The following ZNF718 variants were observed in gnomAD, a reference collection of about 807,000 sequenced individuals.
ZNF718 encodes the protein zinc finger protein 718.
Under a neutral mutation model 2.6 loss-of-function variants are expected in ZNF718, and 3 were observed. The ratio of observed to expected loss-of-function variants is 1.16; its 90% CI spans 0.53 to 3.01. The LOEUF (loss-of-function observed/expected upper bound fraction) is 3.01. Ranked by LOEUF, ZNF718 falls within the 30% of genes most tolerant of loss-of-function variation. The probability of loss-of-function intolerance (pLI) is 0.03; values close to 1 mark genes in which losing one functional copy is unlikely to be tolerated. For missense variants in ZNF718, 468 were observed against 230.0 expected, an observed-to-expected ratio of 2.03 and a Z score of -6.69; for synonymous variants, 135 against 77.9, an observed-to-expected ratio of 1.73 and a Z score of -3.86.
chr4:185,009 G>C (rs1053425487), intron 3 of ZNF718, among the ~76,000 whole-genome samples: 1 of 151,972 alleles, frequency 6.6e-6, no homozygotes, highest in East Asian at 1.9e-4. Flanking sequence ...GTTCTGTTCA[G>C]CTCTGATCTT....
chr4:132,136 C>CA lies in ZNF718; in HGVS notation c.226+648dup, dbSNP rs1282889814. 1.8e-3 allele frequency among the ~76,000 whole-genome samples: 84 copies of CA among 46,182 alleles called. 15 individuals are homozygous for CA. The highest frequency in any genetic ancestry group is 0.014 in the Middle Eastern group (1 of 72). The allele number at this position is 46,182 out of a possible 152,430, so 30.3% of individuals were successfully genotyped here. A position where few individuals can be genotyped will look rare whatever the true frequency, so the allele number is the denominator to read the frequency against. ...TGGGCGACAGAGCGAGATTCAGTCTCAAAAAAAAAAAAAAAAACCCAGGAG... is the reference window on the plus strand; with the variant it reads ...TGGGCGACAGAGCGAGATTCAGTCTCAAAAAAAAAAAAAAAAAACCCAGGAG... On this transcript the variant is annotated intron_variant, in intron 3 of 3. Coordinates refer to ENST00000510175, the MANE Select transcript of ZNF718 (RefSeq NM_001039127.6).
At chr4:191,082 G>C (rs1553821133) in intron 3 of ZNF718, among the ~76,000 whole-genome samples, 1 of 150,296 alleles carries the variant, frequency 6.7e-6, no homozygotes, top group East Asian at 2.0e-4. Context: ...ATTTTCAAAA[G>C]TGAAGTCAAT....
At chr4:189,426 T>C (rs1439575364) in intron 3 of ZNF718, among the ~76,000 whole-genome samples, 1 of 152,166 alleles carries the variant, frequency 6.6e-6, no homozygotes, top group Non-Finnish European at 1.5e-5. Flanking sequence ...TTTTCTTGAC[T>C]TAATTTTTAG....
In ZNF718 at chr4:196,512, G is replaced by T. The variant is rs375096310; in HGVS notation, c.227-4569G>T. ...CAGAGGAAATAGATACAGAGGTAAG[G>T]AGAATTTTGAGGCTACACTTTCAAG... is the stretch of plus-strand genomic sequence containing the variant. On this transcript the variant is annotated intron_variant and NMD_transcript_variant, in intron 3 of 4. Coordinates refer to the ZNF718 transcript ENST00000642529. Among the ~76,000 whole-genome samples the T allele has an allele frequency of 9.2e-5, 14 of 152,314 alleles. No individual in the cohort carries two copies. In the South Asian group the frequency reaches 2.3e-3, roughly 25 times the overall value.
At chr4:137,767 C>A (rs10004179) in intron 3 of ZNF718, among the ~76,000 whole-genome samples, 1 of 150,930 alleles carries the variant, frequency 6.6e-6, no homozygotes, top group Non-Finnish European at 1.5e-5. Context: ...TTTTTTCTTA[C>A]TCGGGACTGA....
chr4:188,971 T>G (rs1320789959), intron 3 of ZNF718, among the ~76,000 whole-genome samples: 1 of 148,950 alleles, frequency 6.7e-6, no homozygotes, highest in Non-Finnish European at 1.5e-5. Flanking sequence ...TTTTTTTTTT[T>G]GCACATCCAT....
chr4:195,134 C>A (rs1452010994), intron 3 of ZNF718, among the ~76,000 whole-genome samples: 1 of 152,186 alleles, frequency 6.6e-6, no homozygotes, highest in Non-Finnish European at 1.5e-5. Flanking sequence ...AACAACCCAG[C>A]TGCCCCATCA....
intron 3 of ZNF718, among the ~76,000 whole-genome samples, chr4:173,611 A>G (rs1030132431): frequency 1.3e-5 from 2 of 152,148 alleles, no homozygotes; most frequent in Admixed American, 1.3e-4. Context: ...GGAATTTTTG[A>G]CAGCAAAGGA....
chr4:179,752 G>C (rs997146449), intron 3 of ZNF718, among the ~76,000 whole-genome samples: 1 of 152,148 alleles, frequency 6.6e-6, no homozygotes, highest in African/African-American at 2.4e-5. Flanking sequence ...ACAAATGTCC[G>C]TCTTTGGCCC....
At chr4:167,974 A>T (rs1021842582), downstream of ZNF718, among the ~76,000 whole-genome samples, 4 of 152,058 alleles carry the variant, frequency 2.6e-5, no homozygotes, top group African/African-American at 9.7e-5. Context: ...TCTGTATGAT[A>T]TTGGCTGTGG....
chr4:141,329 T>A (rs2108787183), intron 3 of ZNF718, among the ~76,000 whole-genome samples: 1 of 152,342 alleles, frequency 6.6e-6, no homozygotes, highest in South Asian at 2.1e-4. Context: ...AAATATTTTT[T>A]AAACCCTGAT....
rs1344116042 is a variant in ZNF718 at position 170,569 on chromosome 4, ACTTCT to A, written c.227-30505_227-30501del. Among the ~76,000 whole-genome samples the A allele has an allele frequency of 5.9e-5, 9 of 151,756 alleles. No individual in the cohort carries two copies. In the East Asian group the frequency reaches 1.7e-3, roughly 30 times the overall value. ...TTTCTTTTTATTCTTTTTTCTCTAAACTTCTCTTCTCACTTCATTTCATTTATTTC... is the reference window on the plus strand; with the variant it reads ...TTTCTTTTTATTCTTTTTTCTCTAAACTTCTCACTTCATTTCATTTATTTC... On this transcript the variant is annotated intron_variant and NMD_transcript_variant, in intron 3 of 4. Coordinates refer to the ZNF718 transcript ENST00000642529.
downstream of ZNF718, among the ~76,000 whole-genome samples, chr4:165,686 C>G (rs1457283703): frequency 6.6e-6 from 1 of 152,082 alleles, no homozygotes; most frequent in Non-Finnish European, 1.5e-5. Context: ...GTAATCTAAG[C>G]TACTTGGGAG....
In ZNF718 at chr4:161,247, C is replaced by G; in HGVS notation, c.562C>G (p.Gln188Glu). 9.0e-6 allele frequency: 7 copies of G among 777,482 alleles called. No individual in the cohort carries two copies. In the South Asian group the frequency reaches 9.5e-5, roughly 11 times the overall value. The allele number at this position is 777,482 out of a possible 1,614,324, so 48.2% of individuals were successfully genotyped here. ...ATTTCACGTGCTCTCACGCCTAACT[C>G]AACACAAAAGAATTCATACTGGAGA... ...KSFHVLSRLT[Q>E]HKRIHTGENP... Residue 188 changes from glutamine to glutamate, a missense_variant, in exon 4 of 4, where the codon CAA (glutamine) becomes GAA (glutamate). By Grantham distance (29) the Gln-to-Glu change is conservative. Coordinates refer to ENST00000510175, the MANE Select transcript of ZNF718 (RefSeq NM_001039127.6).
At chr4:185,743 T>G (rs556978234) in intron 3 of ZNF718, among the ~76,000 whole-genome samples, 5 of 152,338 alleles carry the variant, frequency 3.3e-5, no homozygotes, top group African/African-American at 1.2e-4. Flanking sequence ...CCTTTACCCT[T>G]ATGTAATGCC....
rs781984400 is a variant in ZNF718 at position 162,228 on chromosome 4, C to G, written c.*106C>G. 1.7e-6 allele frequency: 1 copy of G among 578,646 alleles called. No homozygotes were observed. Among genetic ancestry groups the G allele is most frequent in the African/African-American group, 1.9e-5 (1 of 53,694 alleles). 35.8% of individuals were successfully genotyped at this position (578,646 alleles called of 1,614,324 possible). A position where few individuals can be genotyped will look rare whatever the true frequency, so the allele number is the denominator to read the frequency against. On this transcript the variant is annotated 3_prime_UTR_variant, in exon 4 of 4. Coordinates refer to ENST00000510175, the MANE Select transcript of ZNF718 (RefSeq NM_001039127.6). ...TGAAAAAATTGACAAAGCTTTTAAC[C>G]GCAACTCAATCTGTTCTAAACATAA...
chr4:153,320 A>G (rs1363391625), intron 3 of ZNF718, among the ~76,000 whole-genome samples: 1 of 151,936 alleles, frequency 6.6e-6, no homozygotes, highest in Non-Finnish European at 1.5e-5. Context: ...TTGTAGCTTT[A>G]TATTATATTA....
At chr4:160,608 G>T (rs945504912) in intron 3 of ZNF718, among the ~76,000 whole-genome samples, 1 of 152,120 alleles carries the variant, frequency 6.6e-6, no homozygotes, top group Admixed American at 6.5e-5. Flanking sequence ...GGAGTGCAGT[G>T]GTGTGATCTT....
intron 3 of ZNF718, among the ~76,000 whole-genome samples, chr4:140,088 A>T (rs1553810066): frequency 1.3e-5 from 2 of 152,122 alleles, no homozygotes; most frequent in South Asian, 4.1e-4. Flanking sequence ...AAACTCGCAC[A>T]TGTTTTAAGG....
Sources: allele counts gnomAD v4.1 joint callset (sites outside exome capture counted in the v4.1 genomes callset), GRCh38; gene constraint gnomAD v4.1.1; transcripts MANE v1.5; gene names NCBI Gene and HGNC (gene_info 2026-07-23, HGNC 2026-07-21).